The following NRF1 variants were observed in gnomAD, a reference collection of about 807,000 sequenced individuals.
NRF1 encodes the protein nuclear respiratory factor 1, also known as alpha palindromic-binding protein.
A neutral mutation model predicts 58.5 loss-of-function variants in NRF1; 5 were observed. The observed-to-expected ratio is 0.09, with a 90% CI of 0.04 to 0.18. The LOEUF is 0.18. Ranked by LOEUF, NRF1 falls within the 10% of genes least tolerant of loss-of-function variation. The pLI is 1.00. For missense variants in NRF1, 288 were observed against 657.7 expected, an observed-to-expected ratio of 0.44 and a Z score of 6.15; for synonymous variants, 224 against 246.7, an observed-to-expected ratio of 0.91 and a Z score of 0.86.
chr7:129,681,224 A>G (rs1802300342), intron 4 of NRF1, among the ~76,000 whole-genome samples: 1 of 152,194 alleles, frequency 6.6e-6, no homozygotes, highest in African/African-American at 2.4e-5. Flanking sequence ...CAAAGAAACA[A>G]TTCTGTCTTA....
chr7:129,736,518 G>T (rs1318508848), intron 10 of NRF1, among the ~76,000 whole-genome samples: 1 of 151,894 alleles, frequency 6.6e-6, no homozygotes, highest in African/African-American at 2.4e-5. Flanking sequence ...AAAGTGCTGG[G>T]ATTTCAGGCA....
At chr7:129,653,114 A>G (rs1435102527) in intron 1 of NRF1, among the ~76,000 whole-genome samples, 2 of 152,146 alleles carry the variant, frequency 1.3e-5, no homozygotes, top group Admixed American at 1.3e-4. Context: ...CTAATAGTCT[A>G]CTTTCTGTCT....
intron 1 of NRF1, among the ~76,000 whole-genome samples, chr7:129,646,642 T>C (rs1376761610): frequency 1.3e-5 from 2 of 152,246 alleles, no homozygotes; most frequent in African/African-American, 4.8e-5. Context: ...GGTGCAACAC[T>C]CCTCTTGCTG....
At chr7:129,638,951 G>T (rs1801228755) in intron 1 of NRF1, among the ~76,000 whole-genome samples, 1 of 151,972 alleles carries the variant, frequency 6.6e-6, no homozygotes, top group African/African-American at 2.4e-5. Context: ...ATTCTAATTT[G>T]ATTTTTTTTC....
At chr7:129,618,735 A>C (rs1251491164) in intron 1 of NRF1, among the ~76,000 whole-genome samples, 2 of 152,116 alleles carry the variant, frequency 1.3e-5, no homozygotes, top group Non-Finnish European at 2.9e-5. Flanking sequence ...AGTATCCTTT[A>C]TCCAAAATGC....
intron 10 of NRF1, among the ~76,000 whole-genome samples, chr7:129,750,396 C>T (rs1382867012): frequency 6.6e-6 from 1 of 152,206 alleles, no homozygotes; most frequent in Admixed American, 6.5e-5. Context: ...CCCCCTTTCC[C>T]TTGCCAGGGA....
chr7:129,648,698 C>G (rs956028726), intron 1 of NRF1, among the ~76,000 whole-genome samples: 2 of 152,076 alleles, frequency 1.3e-5, no homozygotes, highest in Non-Finnish European at 2.9e-5. Context: ...CTCCTGACTC[C>G]CTCACCATGT....
chr7:129,613,052 C>G (rs991705293), intron 1 of NRF1, among the ~76,000 whole-genome samples: 8 of 152,156 alleles, frequency 5.3e-5, no homozygotes, highest in Non-Finnish European at 8.8e-5. Context: ...GAGCAAAATT[C>G]ACATTTTTTT....
chr7:129,701,598 AAAAAAG>A (rs1158033425), intron 5 of NRF1, among the ~76,000 whole-genome samples: 2 of 151,592 alleles, frequency 1.3e-5, no homozygotes, highest in Non-Finnish European at 2.9e-5. Context: ...TCTCAAAAAA[AAAAAAG>A]AAAAAGAAAA....
intron 10 of NRF1, among the ~76,000 whole-genome samples, chr7:129,747,260 C>T (rs1000590737): frequency 1.3e-5 from 2 of 152,218 alleles, no homozygotes; most frequent in Admixed American, 6.5e-5. Flanking sequence ...GCAACCACTT[C>T]ATCTACGTCA....
intron 4 of NRF1, among the ~76,000 whole-genome samples, chr7:129,683,288 A>AGTGTGTGT (rs35691853): frequency 1.5e-3 from 217 of 140,494 alleles, no homozygotes; most frequent in Middle Eastern, 7.3e-3. Context: ...TCATGTGGAG[A>AGTGTGTGT]GTGTGTGTGT....
intron 1 of NRF1, among the ~76,000 whole-genome samples, chr7:129,625,016 T>C (rs1562951964): frequency 6.6e-6 from 1 of 152,174 alleles, no homozygotes; most frequent in Non-Finnish European, 1.5e-5. Context: ...AACAGAAATG[T>C]ATTCTCTCAC....
intron 1 of NRF1, among the ~76,000 whole-genome samples, chr7:129,637,879 T>G (rs1480036171): frequency 2.0e-5 from 3 of 152,024 alleles, no homozygotes; most frequent in Admixed American, 1.3e-4. Context: ...TTTTGTTTTT[T>G]TTTTTCTAAG....
At chr7:129,644,773 C>T (rs183482266) in intron 1 of NRF1, among the ~76,000 whole-genome samples, 1 of 152,268 alleles carries the variant, frequency 6.6e-6, no homozygotes, top group African/African-American at 2.4e-5. Flanking sequence ...TTCCGGCAAG[C>T]CAAAATTCCC....
At chr7:129,721,227 A>C (rs1803314789) in intron 9 of NRF1, among the ~76,000 whole-genome samples, 1 of 152,076 alleles carries the variant, frequency 6.6e-6, no homozygotes, top group South Asian at 2.1e-4. Flanking sequence ...TAGTCCTTGC[A>C]TGTAGAGATC....
chr7:129,756,443 A>T lies in NRF1; in HGVS notation c.*1262A>T, dbSNP rs2116339498. The T allele has an allele frequency of 6.6e-6, 1 of 152,506 alleles. No individual in the cohort carries two copies. The highest frequency in any genetic ancestry group is 1.5e-5 in the Non-Finnish European group (1 of 68,088). 9.4% of individuals were successfully genotyped at this position (152,506 alleles called of 1,614,324 possible). The stretch of plus-strand genomic sequence containing the variant: ...CTTCAGAAGGGACTCCTGGAGGCCC[A>T]TGTTCCTTGATGCAACCTCGTGGCC... On this transcript the variant is annotated 3_prime_UTR_variant, in exon 11 of 11. Coordinates refer to ENST00000393232, the MANE Select transcript of NRF1 (RefSeq NM_005011.5).
chr7:129,680,260 T>A (rs932109556), intron 4 of NRF1, among the ~76,000 whole-genome samples: 1 of 152,182 alleles, frequency 6.6e-6, no homozygotes, highest in Non-Finnish European at 1.5e-5. Context: ...ATAATCATAG[T>A]CATTAGGGAA....
At chr7:129,731,380 G>A (rs530368239) in intron 10 of NRF1, among the ~76,000 whole-genome samples, 1 of 151,830 alleles carries the variant, frequency 6.6e-6, no homozygotes, top group African/African-American at 2.4e-5. Context: ...GCACCCTGAA[G>A]ACTTCTTTCT....
At chr7:129,646,037 A>G in intron 1 of NRF1, among the ~76,000 whole-genome samples, 1 of 152,128 alleles carries the variant, frequency 6.6e-6, no homozygotes, top group East Asian at 1.9e-4. Context: ...TTTAGTAGAG[A>G]CAGGGTTTCA....
Sources: allele counts gnomAD v4.1 joint callset (sites outside exome capture counted in the v4.1 genomes callset), GRCh38; gene constraint gnomAD v4.1.1; transcripts MANE v1.5; gene names NCBI Gene and HGNC (gene_info 2026-07-23, HGNC 2026-07-21).